IPMK: variants seen among roughly 807,000 people sequenced by gnomAD.
IPMK encodes inositol 1,3,4,6-tetrakisphosphate 5-kinase.
In IPMK, 17 loss-of-function variants were observed where a neutral mutation model predicts 45.8. The observed-to-expected ratio is 0.37, with a 90% CI of 0.25 to 0.56. The LOEUF is 0.56. Among genes scored for constraint, IPMK ranks in the 20% least tolerant of loss-of-function variants. The probability of loss-of-function intolerance (pLI) is 0.79; values close to 1 mark genes in which losing one functional copy is unlikely to be tolerated. For missense variants in IPMK, 399 were observed against 498.0 expected (o/e 0.80, Z 1.89); for synonymous variants, 180 against 184.3 (o/e 0.98, Z 0.19).
chr10:58,267,346 C>T, intron 1 of IPMK, 76 bp downstream of exon 1: 3 of 1,479,966 alleles, frequency 2.0e-6, no homozygotes, highest in South Asian at 1.1e-5. Flanking sequence ...GGCCCGAGAG[C>T]GCTAGGCTGC....
chr10:58,197,651 A>G (rs1246114817), intron 5 of IPMK, among the ~76,000 whole-genome samples: 1 of 137,842 alleles, frequency 7.3e-6, no homozygotes, highest in Non-Finnish European at 1.5e-5. Context: ...CTCCGTCTCA[A>G]AAAAAAAAGA....
intron 1 of IPMK, among the ~76,000 whole-genome samples, chr10:58,262,273 C>A (rs1839084554): frequency 6.6e-6 from 1 of 152,090 alleles, no homozygotes; most frequent in Admixed American, 6.6e-5. Context: ...ATCCTGAATT[C>A]TTTATTCTAG....
At chr10:58,247,881 G>A (rs906109244) in intron 1 of IPMK, among the ~76,000 whole-genome samples, 1 of 152,158 alleles carries the variant, frequency 6.6e-6, no homozygotes, top group Admixed American at 6.6e-5. Flanking sequence ...ACATTAAAAG[G>A]AGTAATGGGA....
chr10:58,205,627 T>G (rs1838059344), intron 4 of IPMK, among the ~76,000 whole-genome samples: 1 of 152,052 alleles, frequency 6.6e-6, no homozygotes, highest in Non-Finnish European at 1.5e-5. Flanking sequence ...AAGCTATGAG[T>G]AAACAAAGGC....
intron 1 of IPMK, among the ~76,000 whole-genome samples, chr10:58,245,075 TTA>T (rs1200807756): frequency 8.2e-5 from 10 of 122,692 alleles, no homozygotes; most frequent in African/African-American, 4.2e-4. Context: ...AATAAACAAA[TTA>T]AAATAAAAAA....
Position 58,191,748 on chromosome 10 carries a change from G to A in IPMK, c.*4328C>T, listed in dbSNP as rs1245329700. The A allele has an allele frequency of 6.6e-6, 1 of 151,782 alleles. No homozygotes were observed. The highest frequency in any genetic ancestry group is 1.9e-4 in the East Asian group (1 of 5,190). The allele number at this position is 151,782 out of a possible 1,614,324, so 9.4% of individuals were successfully genotyped here. ...TATACATTTAAACCAAAGTAACTGT[G>A]ACTAAATACATTCATTCATCAAGTA... On this transcript the variant is annotated 3_prime_UTR_variant, in exon 6 of 6. Coordinates refer to ENST00000373935, the MANE Select transcript of IPMK (RefSeq NM_152230.5).
intron 2 of IPMK, among the ~76,000 whole-genome samples, chr10:58,229,244 G>A (rs1293178081): frequency 3.9e-5 from 6 of 152,002 alleles, no homozygotes; most frequent in Non-Finnish European, 8.8e-5. Flanking sequence ...GCTTTGTCAA[G>A]AGGGCAATTT....
intron 3 of IPMK, among the ~76,000 whole-genome samples, chr10:58,224,475 T>C (rs1337531873): frequency 1.3e-5 from 2 of 152,192 alleles, no homozygotes; most frequent in African/African-American, 4.8e-5. Context: ...TAAAATTAGA[T>C]AATTGTGATG....
intron 2 of IPMK, among the ~76,000 whole-genome samples, chr10:58,227,478 C>T (rs910729457): frequency 6.6e-6 from 1 of 152,160 alleles, no homozygotes; most frequent in Non-Finnish European, 1.5e-5. Flanking sequence ...CCTCCATGCA[C>T]CCTGAGAGGA....
intron 1 of IPMK, among the ~76,000 whole-genome samples, chr10:58,242,476 G>A (rs3999638): frequency 0.43 from 38,240 of 88,288 alleles, 6,821 homozygotes; most frequent in African/African-American, 0.65. Context: ...AAAAAAAAAA[G>A]AAAAGAAAAC....
chr10:58,213,709 G>GA (rs201950473), intron 4 of IPMK, among the ~76,000 whole-genome samples: 11,110 of 148,722 alleles, frequency 0.075, 473 homozygotes, highest in Non-Finnish European at 0.086. Flanking sequence ...AAAAAAAAAA[G>GA]AAAAAATAGA....
rs1837851897 is a variant in IPMK at position 58,193,855 on chromosome 10, A to T, written c.*2221T>A. ...GAGAGACTAAGATAGTCACATGTAGATTAGATAAACAGATACTTATTCTGT... is the reference window on the plus strand; with the variant it reads ...GAGAGACTAAGATAGTCACATGTAGTTTAGATAAACAGATACTTATTCTGT... On this transcript the variant is annotated 3_prime_UTR_variant, in exon 6 of 6. Coordinates refer to ENST00000373935, the MANE Select transcript of IPMK (RefSeq NM_152230.5). 1 of 151,860 alleles carries T rather than the reference A, an allele frequency of 6.6e-6. No individual in the cohort carries two copies. Among genetic ancestry groups the T allele is most frequent in the African/African-American group, 2.4e-5 (1 of 41,430 alleles). 9.4% of individuals were successfully genotyped at this position (151,860 alleles called of 1,614,324 possible).
At chr10:58,237,558 T>C (rs1326783304) in intron 2 of IPMK, among the ~76,000 whole-genome samples, 171 bp downstream of exon 2, 3 of 152,108 alleles carry the variant, frequency 2.0e-5, no homozygotes, top group Non-Finnish European at 4.4e-5. Flanking sequence ...GAATAGAAAA[T>C]ACTAGACTGC....
chr10:58,236,646 C>T (rs1838616946), intron 2 of IPMK, among the ~76,000 whole-genome samples: 2 of 151,970 alleles, frequency 1.3e-5, no homozygotes, highest in African/African-American at 4.8e-5. Context: ...GGCTCAAGCC[C>T]GTAATCACAG....
At chr10:58,205,923 T>C (rs1016133030) in intron 4 of IPMK, among the ~76,000 whole-genome samples, 12 of 152,156 alleles carry the variant, frequency 7.9e-5, no homozygotes, top group African/African-American at 2.7e-4. Flanking sequence ...AACATAAACT[T>C]AACCTTAGGA....
At chr10:58,233,715 C>T (rs956492149) in intron 2 of IPMK, among the ~76,000 whole-genome samples, 5 of 152,102 alleles carry the variant, frequency 3.3e-5, no homozygotes, top group East Asian at 1.9e-4. Context: ...CAATATCACA[C>T]GGAATGGGCA....
chr10:58,264,482 C>T (rs1839119503), intron 1 of IPMK, among the ~76,000 whole-genome samples: 1 of 152,112 alleles, frequency 6.6e-6, no homozygotes, highest in Non-Finnish European at 1.5e-5. Flanking sequence ...ATCAGATTTC[C>T]ATCATTTGTT....
At chr10:58,223,009 G>C (rs1838359911) in intron 3 of IPMK, among the ~76,000 whole-genome samples, 2 of 152,174 alleles carry the variant, frequency 1.3e-5, no homozygotes, top group African/African-American at 4.8e-5. Context: ...AAAGGCGGAA[G>C]GTGGGTGAGG....
chr10:58,222,960 G>A (rs1020155580), intron 3 of IPMK, among the ~76,000 whole-genome samples: 2 of 152,140 alleles, frequency 1.3e-5, no homozygotes, highest in African/African-American at 4.8e-5. Context: ...GGATGCAAAG[G>A]CATAAGAACA....
Sources: gnomAD v4.1 joint callset for allele counts (sites outside exome capture counted in the v4.1 genomes callset) on GRCh38, gnomAD v4.1.1 for gene constraint, MANE v1.5 for transcripts, NCBI Gene and HGNC (gene_info 2026-07-23, HGNC 2026-07-21) for gene names.